MARK2: variants seen among roughly 807,000 people sequenced by gnomAD.
The protein encoded by MARK2 is microtubule affinity regulating kinase 2.
In MARK2, 16 loss-of-function variants were observed where a neutral mutation model predicts 89.8. The observed-to-expected ratio is 0.18, with a 90% CI of 0.12 to 0.27. The LOEUF (loss-of-function observed/expected upper bound fraction) is 0.27, where lower values mean the gene tolerates loss of function less well. MARK2 is among the 10% of genes least tolerant of loss of function. MARK2 has a pLI of 1.00. For missense variants in MARK2, 621 were observed against 1,049.9 expected, an observed-to-expected ratio of 0.59 and a Z score of 5.65; for synonymous variants, 382 against 399.5, an observed-to-expected ratio of 0.96 and a Z score of 0.52.
chr11:63,850,957 T>C (rs1348379019), intron 1 of MARK2, among the ~76,000 whole-genome samples: 14 of 152,220 alleles, frequency 9.2e-5, no homozygotes, highest in Non-Finnish European at 8.8e-5. Flanking sequence ...GCCATGTTCC[T>C]TTCTTCAAGT....
At chr11:63,899,000 C>G (rs1940646178) in intron 6 of MARK2, 52 bp from the exon 7 acceptor site, 2 of 1,377,218 alleles carry the variant, frequency 1.5e-6, no homozygotes, top group African/African-American at 1.4e-5. Context: ...CTGTCAGCCC[C>G]TGTGGCCCAC....
At chr11:63,887,602 C>T (rs902832150) in intron 1 of MARK2, among the ~76,000 whole-genome samples, 1 of 152,196 alleles carries the variant, frequency 6.6e-6, no homozygotes, top group Non-Finnish European at 1.5e-5. Context: ...TGGCTACCAA[C>T]GTGAGAAGGT....
At chr11:63,899,229 C>CT in intron 7 of MARK2, 121 bp downstream of exon 7, 2 of 675,716 alleles carry the variant, frequency 3.0e-6, no homozygotes, top group Non-Finnish European at 2.6e-6. Context: ...TCCAGCCTTT[C>CT]TTTTTTTCTT....
chr11:63,848,573 C>T (rs1240132267), intron 1 of MARK2, among the ~76,000 whole-genome samples: 2 of 143,740 alleles, frequency 1.4e-5, no homozygotes, highest in African/African-American at 5.2e-5. Context: ...TTTTTTGAGA[C>T]AGGGTCTCGC....
intron 1 of MARK2, among the ~76,000 whole-genome samples, chr11:63,881,933 G>A (rs780074622): frequency 6.6e-5 from 10 of 152,208 alleles, no homozygotes; most frequent in Non-Finnish European, 1.5e-4. Context: ...TCCAGCCTGG[G>A]CAAGAGAGCA....
At chr11:63,867,646 C>A (rs1405591367) in intron 1 of MARK2, among the ~76,000 whole-genome samples, 1 of 152,170 alleles carries the variant, frequency 6.6e-6, no homozygotes, top group African/African-American at 2.4e-5. Context: ...GGGCCTGTCT[C>A]AAGTTTCCAG....
intron 3 of MARK2, among the ~76,000 whole-genome samples, chr11:63,895,912 C>T (rs923995378): frequency 3.9e-4 from 59 of 151,896 alleles, no homozygotes; most frequent in East Asian, 1.9e-4. Context: ...TCAAGTGATC[C>T]GCTCGCCTCG....
chr11:63,843,630 T>A (rs943143468), intron 1 of MARK2, among the ~76,000 whole-genome samples: 8 of 151,452 alleles, frequency 5.3e-5, no homozygotes, highest in Non-Finnish European at 7.4e-5. Flanking sequence ...TATATAAAAC[T>A]CTTTTTTTTT....
At chr11:63,860,982 T>C (rs993644866) in intron 1 of MARK2, among the ~76,000 whole-genome samples, 4 of 152,182 alleles carry the variant, frequency 2.6e-5, no homozygotes, top group Non-Finnish European at 2.9e-5. Flanking sequence ...ACATAGAGGA[T>C]CATAGCTCCA....
At chr11:63,850,598 A>G (rs1392864779) in intron 1 of MARK2, among the ~76,000 whole-genome samples, 1 of 150,856 alleles carries the variant, frequency 6.6e-6, no homozygotes, top group Non-Finnish European at 1.5e-5. Context: ...TTGATTAAAG[A>G]AAAAAAAACA....
chr11:63,840,173 A>C (rs2015937108), intron 1 of MARK2, among the ~76,000 whole-genome samples: 1 of 151,696 alleles, frequency 6.6e-6, no homozygotes, highest in Non-Finnish European at 1.5e-5. Context: ...ACCTTTCCAA[A>C]TCCTTCGCCT....
chr11:63,840,975 C>G (rs1222662103), intron 1 of MARK2, among the ~76,000 whole-genome samples: 2 of 152,056 alleles, frequency 1.3e-5, no homozygotes, highest in East Asian at 3.9e-4. Context: ...CTCTAGCGTC[C>G]TTTGCTGACT....
chr11:63,902,828 T>G lies in MARK2; in HGVS notation c.1416+46T>G. On this transcript the variant is annotated intron_variant, in intron 13 of 18. Transcript: ENST00000402010. This position sits in a 1 kb window ranked among gnomAD's most constrained non-coding sequence, Gnocchi z 4.2. ...TCTCCTTCCTTCCTGCGGTGGGGCCTGCCCTCTCCAGGCAGCTCTTCTCTT... is the reference window on the plus strand; with the variant it reads ...TCTCCTTCCTTCCTGCGGTGGGGCCGGCCCTCTCCAGGCAGCTCTTCTCTT... 2 of 1,481,888 alleles carry G rather than the reference T, an allele frequency of 1.3e-6. No homozygotes were observed. The highest frequency in any genetic ancestry group is 1.9e-6 in the Non-Finnish European group (2 of 1,066,926). 91.8% of individuals were successfully genotyped at this position (1,481,888 alleles called of 1,614,324 possible). A position where few individuals can be genotyped will look rare whatever the true frequency, so the allele number is the denominator to read the frequency against.
At chr11:63,860,258 T>C (rs1488661459) in intron 1 of MARK2, among the ~76,000 whole-genome samples, 1 of 152,080 alleles carries the variant, frequency 6.6e-6, no homozygotes, top group African/African-American at 2.4e-5. Flanking sequence ...AGCAAATCTT[T>C]TAAAACTCAT....
chr11:63,889,043 A>G (rs1939607837), intron 1 of MARK2: 2 of 1,176,226 alleles, frequency 1.7e-6, no homozygotes, highest in Non-Finnish European at 2.3e-6. Context: ...ATCTTTAGAG[A>G]GTTGCTAAGG....
chr11:63,898,741 A>T, intron 5 of MARK2, 22 bp from the exon 6 acceptor site: 1 of 1,613,360 alleles, frequency 6.2e-7, no homozygotes, highest in Non-Finnish European at 8.5e-7. Context: ...TCTGACTGAG[A>T]TCCCTGCCTG....
chr11:63,878,659 G>A (rs1018656184), intron 1 of MARK2, among the ~76,000 whole-genome samples: 9 of 151,968 alleles, frequency 5.9e-5, no homozygotes, highest in Admixed American at 3.9e-4. Context: ...GTGAGCCACC[G>A]CACCTGGCTC....
At chr11:63,859,157 C>G (rs757904768) in intron 1 of MARK2, among the ~76,000 whole-genome samples, 70 of 151,952 alleles carry the variant, frequency 4.6e-4, no homozygotes, top group South Asian at 1.5e-3. Flanking sequence ...AGCTTCTATC[C>G]TTGAAGAACC....
chr11:63,885,997 C>T (rs746608964), intron 1 of MARK2, among the ~76,000 whole-genome samples: 6 of 151,782 alleles, frequency 4.0e-5, no homozygotes, highest in South Asian at 4.2e-4. Flanking sequence ...AGTGTGGTGG[C>T]GGGCGCCTGT....
Sources: allele counts gnomAD v4.1 joint callset (sites outside exome capture counted in the v4.1 genomes callset), GRCh38; gene constraint gnomAD v4.1.1; non-coding constraint Gnocchi (gnomAD v3.1); transcripts MANE v1.5; gene names NCBI Gene and HGNC (gene_info 2026-07-23, HGNC 2026-07-21).